Variants in GXYLT2 observed in about 807,000 individuals in gnomAD.
The protein encoded by GXYLT2 is glycosyltransferase 8 domain containing 4.
Under a neutral mutation model 45.8 loss-of-function variants are expected in GXYLT2, and 53 were observed. That is an observed-to-expected ratio of 1.16 (90% CI 0.93 to 1.46). The LOEUF (loss-of-function observed/expected upper bound fraction) is 1.46. Among genes scored for constraint, GXYLT2 ranks in the 40% most tolerant of loss-of-function variants. The pLI, the probability that GXYLT2 is intolerant of heterozygous loss-of-function variation, is 0.00. For missense variants in GXYLT2, 551 were observed against 544.4 expected, an observed-to-expected ratio of 1.01 and a Z score of -0.12; for synonymous variants, 219 against 214.2, an observed-to-expected ratio of 1.02 and a Z score of -0.19.
chr3:72,970,170 G>A (rs1348292286), intron 6 of GXYLT2, among the ~76,000 whole-genome samples: 1 of 151,976 alleles, frequency 6.6e-6, no homozygotes, highest in Non-Finnish European at 1.5e-5. Flanking sequence ...GGCCAACATG[G>A]TAAAACCCCA....
Position 72,911,956 on chromosome 3 carries a change from GGT to G in GXYLT2, c.468+3415_468+3416del, listed in dbSNP as rs371032663. ...TTAAATGTATATAATATATAAGTTG[GGT>G]GTGTGTGTGTGTGTGTGCATGTGTG... On this transcript the variant is annotated intron_variant, in intron 2 of 6. Coordinates refer to ENST00000389617, the MANE Select transcript of GXYLT2 (RefSeq NM_001080393.2). Among the ~76,000 whole-genome samples, 195 of 136,344 alleles carry G rather than the reference GGT, an allele frequency of 1.4e-3. 1 individual carries two copies. Among genetic ancestry groups the G allele is most frequent in the Middle Eastern group, 7.7e-3 (2 of 260 alleles). The allele number at this position is 136,344 out of a possible 152,430, so 89.4% of individuals were successfully genotyped here. A position where few individuals can be genotyped will look rare whatever the true frequency, so the allele number is the denominator to read the frequency against.
chr3:72,948,727 C>T (rs1710458587), intron 3 of GXYLT2, among the ~76,000 whole-genome samples: 2 of 150,892 alleles, frequency 1.3e-5, no homozygotes, highest in Non-Finnish European at 2.9e-5. Context: ...ATCCCAGCTA[C>T]TTGGGAGGCT....
chr3:72,902,668 CA>C (rs1011964505), intron 1 of GXYLT2, among the ~76,000 whole-genome samples: 2 of 151,748 alleles, frequency 1.3e-5, no homozygotes, highest in Non-Finnish European at 2.9e-5. Context: ...CCATCTCTAC[CA>C]AAATAAATAA....
At position 72,926,666 on chromosome 3, in the gene GXYLT2, G is replaced by A. The variant is rs942898123; in HGVS notation, c.600+4331G>A. ...AATAGATCTGTACATTTTGCTACAC[G>A]CTGTGAGGAGAGAAATTATGAAGAT... On this transcript the variant is annotated intron_variant, in intron 3 of 6. Transcript: ENST00000389617. 2.6e-5 allele frequency among the ~76,000 whole-genome samples: 4 copies of A among 152,040 alleles called. 1 individual carries two copies. The South Asian group carries it at 8.3e-4, about 31-fold the overall frequency.
intron 5 of GXYLT2, among the ~76,000 whole-genome samples, chr3:72,964,953 G>A (rs761733411): frequency 4.6e-5 from 7 of 152,334 alleles, no homozygotes; most frequent in Non-Finnish European, 8.8e-5. Flanking sequence ...AGCACTTTTA[G>A]ATATTTTCCT....
At chr3:72,895,678 T>C (rs1709274704) in intron 1 of GXYLT2, among the ~76,000 whole-genome samples, 1 of 152,236 alleles carries the variant, frequency 6.6e-6, no homozygotes, top group Non-Finnish European at 1.5e-5. Context: ...CTGTTGAAGA[T>C]AGAATTCATT....
chr3:72,939,167 G>A (rs1241517337), intron 3 of GXYLT2, among the ~76,000 whole-genome samples: 1 of 152,134 alleles, frequency 6.6e-6, no homozygotes, highest in Non-Finnish European at 1.5e-5. Context: ...TTAAAACAGT[G>A]TGGAACACTA....
intron 1 of GXYLT2, among the ~76,000 whole-genome samples, chr3:72,900,244 A>AT (rs1373611957): frequency 1.3e-5 from 2 of 152,176 alleles, no homozygotes. Context: ...TTAAGCGATT[A>AT]AGGAGACGCT....
intron 3 of GXYLT2, among the ~76,000 whole-genome samples, chr3:72,946,434 C>T (rs9756786): frequency 0.62 from 93,998 of 151,378 alleles, 30,400 homozygotes; most frequent in South Asian, 0.75. Flanking sequence ...GTTCAGGCGG[C>T]AAGAACACAA....
At position 72,954,618 on chromosome 3, in the gene GXYLT2, AGAGT is replaced by A. The variant is rs1320565099; in HGVS notation, c.601-476_601-473del. On this transcript the variant is annotated intron_variant, in intron 3 of 6. Coordinates refer to ENST00000389617, the MANE Select transcript of GXYLT2 (RefSeq NM_001080393.2). ...GCCACTGCACTCCAGCCTGGGCGAC[AGAGT>A]GAGACTCCATCTCAAAAATAAATAA... 2.7e-5 allele frequency among the ~76,000 whole-genome samples: 4 copies of A among 147,550 alleles called. No individual in the cohort carries two copies. The East Asian group carries it at 7.9e-4, about 29-fold the overall frequency.
chr3:72,910,743 CT>C (rs1322928603), intron 2 of GXYLT2, among the ~76,000 whole-genome samples: 1 of 152,208 alleles, frequency 6.6e-6, no homozygotes, highest in Non-Finnish European at 1.5e-5. Flanking sequence ...ATAACCCCGC[CT>C]TTCATTCCCT....
intron 3 of GXYLT2, among the ~76,000 whole-genome samples, chr3:72,939,294 A>C (rs1265227351): frequency 6.6e-6 from 1 of 152,132 alleles, no homozygotes; most frequent in Non-Finnish European, 1.5e-5. Flanking sequence ...TAAAAATACA[A>C]AAATTAGCCG....
At chr3:72,970,103 C>T (rs1466453541) in intron 6 of GXYLT2, among the ~76,000 whole-genome samples, 1 of 151,942 alleles carries the variant, frequency 6.6e-6, no homozygotes, top group Admixed American at 6.6e-5. Flanking sequence ...GTAATCCTAG[C>T]ACATTGGGAG....
intron 4 of GXYLT2, among the ~76,000 whole-genome samples, chr3:72,956,916 G>C (rs546798439): frequency 7.9e-4 from 109 of 137,238 alleles, no homozygotes; most frequent in Non-Finnish European, 7.3e-4. Context: ...CAAAAACACA[G>C]GAAGGAAGGG....
intron 3 of GXYLT2, among the ~76,000 whole-genome samples, chr3:72,944,514 A>G (rs1171218698): frequency 2.0e-5 from 3 of 151,980 alleles, no homozygotes; most frequent in African/African-American, 7.2e-5. Context: ...CTCAGCCTCC[A>G]AAAGTGCTGG....
At chr3:72,948,400 G>T (rs377054053) in intron 3 of GXYLT2, among the ~76,000 whole-genome samples, 25 of 152,186 alleles carry the variant, frequency 1.6e-4, no homozygotes, top group Non-Finnish European at 8.8e-5. Flanking sequence ...CGAAAAGATG[G>T]CAATCCTGCA....
intron 6 of GXYLT2, among the ~76,000 whole-genome samples, chr3:72,974,476 A>G (rs1711052007): frequency 6.6e-6 from 1 of 152,372 alleles, no homozygotes; most frequent in South Asian, 2.1e-4. Context: ...TTGTTGTAGT[A>G]GATTTCAAGT....
At chr3:72,915,183 A>ACCTAGCATC (rs1349916632) in intron 2 of GXYLT2, among the ~76,000 whole-genome samples, 2 of 151,718 alleles carry the variant, frequency 1.3e-5, no homozygotes, top group Non-Finnish European at 2.9e-5. Context: ...ATTGCGAGCA[A>ACCTAGCATC]CCTAGCATCC....
At chr3:72,889,397 G>A (rs1709134717) in intron 1 of GXYLT2, among the ~76,000 whole-genome samples, 1 of 152,160 alleles carries the variant, frequency 6.6e-6, no homozygotes, top group Admixed American at 6.5e-5. Context: ...CAACCTGAAA[G>A]GAGTTGAAAA....
Sources: gnomAD v4.1 joint callset for allele counts (sites outside exome capture counted in the v4.1 genomes callset) on GRCh38, gnomAD v4.1.1 for gene constraint, MANE v1.5 for transcripts, NCBI Gene and HGNC (gene_info 2026-07-23, HGNC 2026-07-21) for gene names.